Variants in CEP290 observed in about 807,000 individuals in gnomAD.
The protein encoded by CEP290 is centrosomal protein 290.
CEP290 carries 317 observed loss-of-function variants against 344.9 expected under a neutral mutation model. The observed-to-expected ratio is 0.92, with a 90% CI of 0.84 to 1.01. The LOEUF (loss-of-function observed/expected upper bound fraction) is 1.01. Ranked by LOEUF, CEP290 falls within the 50% of genes least tolerant of loss-of-function variation. The pLI is 0.00. For missense variants in CEP290, 2,754 were observed against 2,761.4 expected, an observed-to-expected ratio of 1.00 and a Z score of 0.06; for synonymous variants, 932 against 895.8, an observed-to-expected ratio of 1.04 and a Z score of -0.72.
At chr12:88,083,369 T>A in intron 36 of CEP290, 139 bp from the exon 37 acceptor site, 1 of 522,056 alleles carries the variant, frequency 1.9e-6, no homozygotes, top group Non-Finnish European at 3.2e-6. Context: ...AATGAAGGCT[T>A]AAAGAAGACA....
At chr12:88,106,499 A>G (rs969178347) in intron 25 of CEP290, among the ~76,000 whole-genome samples, 176 bp downstream of exon 25, 11 of 152,176 alleles carry the variant, frequency 7.2e-5, no homozygotes, top group Admixed American at 2.0e-4. Context: ...TTAAATATTT[A>G]GGGGAGGAAT....
chr12:88,102,868 A>G lies in CEP290; in HGVS notation c.2961T>C (p.Val987=). 6.2e-7 allele frequency: 1 copy of G among 1,610,540 alleles called. No individual in the cohort carries two copies. Among genetic ancestry groups the G allele is most frequent in the Non-Finnish European group, 8.5e-7 (1 of 1,178,434 alleles). Residue 987 remains valine (V), a synonymous_variant, in exon 26 of 54, where the codon GTT becomes GTC. Coordinates refer to ENST00000552810, the MANE Select transcript of CEP290 (RefSeq NM_025114.4). ...RDILQKDNML[V]QRTSNLEHLE... ...GGTGTTCCAAGTTACTTGTTCTTTG[A>G]ACAAGCATATTATCTTTTTGCAAGA...
chr12:88,064,146 A>G (rs748597326), intron 44 of CEP290, 31 bp from the exon 45 acceptor site: 2 of 1,494,570 alleles, frequency 1.3e-6, no homozygotes, highest in Non-Finnish European at 1.8e-6. Context: ...GAATATTTTT[A>G]AAGTTTAATA....
Position 88,126,215 on chromosome 12 carries a change from C to T in CEP290, c.1065+101G>A, listed in dbSNP as rs557415433. 3 of 930,224 alleles carry T rather than the reference C, an allele frequency of 3.2e-6. No homozygotes were observed. The South Asian group carries it at 9.6e-5, about 30-fold the overall frequency. The allele number at this position is 930,224 out of a possible 1,614,324, so 57.6% of individuals were successfully genotyped here. ...ATTATTATACACTTGGTAGTACCAGCCGCTACACTAGGCACTGATGATATA... is the reference window on the plus strand; with the variant it reads ...ATTATTATACACTTGGTAGTACCAGTCGCTACACTAGGCACTGATGATATA... On this transcript the variant is annotated intron_variant, in intron 12 of 53. Transcript: ENST00000552810.
intron 46 of CEP290, among the ~76,000 whole-genome samples, 153 bp from the exon 47 acceptor site, chr12:88,061,147 A>C (rs1322871443): frequency 3.9e-5 from 6 of 152,274 alleles, no homozygotes; most frequent in African/African-American, 1.4e-4. Context: ...ATTCTATGAG[A>C]TAGGAATTAT....
chr12:88,125,197 C>T (rs2039655467), intron 13 of CEP290, 49 bp downstream of exon 13: 3 of 562,614 alleles, frequency 5.3e-6, no homozygotes, highest in Admixed American at 4.4e-5. Flanking sequence ...AAAATAAAGT[C>T]GTTAAAAACA....
intron 49 of CEP290, among the ~76,000 whole-genome samples, chr12:88,057,307 G>A (rs915249575): frequency 1.6e-4 from 24 of 152,198 alleles, no homozygotes; most frequent in Middle Eastern, 6.8e-3. Flanking sequence ...GGCAAGGTGG[G>A]CTTTTAAAAA....
intron 13 of CEP290, among the ~76,000 whole-genome samples, chr12:88,123,323 CCTT>C (rs1161855945): frequency 1.3e-5 from 2 of 152,066 alleles, no homozygotes; most frequent in Non-Finnish European, 2.9e-5. Flanking sequence ...CTTGTTTTCT[CCTT>C]CTCTTTATAG....
At chr12:88,087,652 A>G (rs940480037) in intron 32 of CEP290, 128 bp downstream of exon 32, 4 of 321,146 alleles carry the variant, frequency 1.2e-5, no homozygotes, top group African/African-American at 2.2e-5. Context: ...CCCGGGAGGC[A>G]GAGCTTGCAG....
At chr12:88,118,354 T>C (rs370006632) in intron 17 of CEP290, 129 bp downstream of exon 17, 36 of 709,336 alleles carry the variant, frequency 5.1e-5, no homozygotes, top group Non-Finnish European at 7.3e-5. Flanking sequence ...CAGGTTATTA[T>C]TGTCATTTAT....
chr12:88,086,347 C>G (rs376424223), intron 33 of CEP290, 44 bp downstream of exon 33: 2 of 1,503,870 alleles, frequency 1.3e-6, no homozygotes, highest in African/African-American at 2.8e-5. Flanking sequence ...AGTTAACACT[C>G]TAGACTATGC....
At chr12:88,050,610 C>T (rs2033406636) in intron 52 of CEP290, among the ~76,000 whole-genome samples, 177 bp from the exon 53 acceptor site, 1 of 152,126 alleles carries the variant, frequency 6.6e-6, no homozygotes, top group African/African-American at 2.4e-5. Flanking sequence ...CTCCCTCCAT[C>T]AAGTATTATA....
intron 44 of CEP290, among the ~76,000 whole-genome samples, chr12:88,066,244 C>T (rs1033803076): frequency 1.3e-5 from 2 of 152,140 alleles, no homozygotes; most frequent in Non-Finnish European, 2.9e-5. Flanking sequence ...AAAAGTAGTA[C>T]GTACATAAAA....
intron 30 of CEP290, among the ~76,000 whole-genome samples, 182 bp from the exon 31 acceptor site, chr12:88,089,669 GA>G (rs2137284123): frequency 6.7e-6 from 1 of 149,740 alleles, no homozygotes; most frequent in East Asian, 2.0e-4. Flanking sequence ...AAAAAACCTA[GA>G]ATCAAACAAA....
chr12:88,096,768 GTTCT>G, intron 27 of CEP290, 116 bp downstream of exon 27: 1 of 575,542 alleles, frequency 1.7e-6, no homozygotes, highest in East Asian at 3.2e-5. Flanking sequence ...TAGGCAGAAA[GTTCT>G]TTCTTTTTTT....
chr12:88,051,194 C>CTTTT (rs11321423), intron 52 of CEP290, among the ~76,000 whole-genome samples: 1 of 86,430 alleles, frequency 1.2e-5, no homozygotes, highest in Admixed American at 1.2e-4. Context: ...GGACAAGTAT[C>CTTTT]TTTTTTTTTT....
Position 88,063,972 on chromosome 12 carries a change from T to A in CEP290, c.6270+9A>T. On this transcript the variant is annotated intron_variant, in intron 45 of 53. Transcript: ENST00000552810. The stretch of plus-strand genomic sequence containing the variant: ...CATTAGATTTCCTAATAAAAAACAT[T>A]AAATTCACCTTTAATCTTGGCAAAT... 1 of 1,582,996 alleles carries A rather than the reference T, an allele frequency of 6.3e-7. No individual in the cohort carries two copies. The highest frequency in any genetic ancestry group is 8.6e-7 in the Non-Finnish European group (1 of 1,165,938).
At chr12:88,131,416 C>T (rs1011978536) in intron 6 of CEP290, among the ~76,000 whole-genome samples, 198 bp from the exon 7 acceptor site, 2 of 151,796 alleles carry the variant, frequency 1.3e-5, no homozygotes, top group Non-Finnish European at 2.9e-5. Flanking sequence ...GCATGCATTA[C>T]CATAACTGGC....
chr12:88,062,472 C>G (rs1340422475), intron 46 of CEP290, among the ~76,000 whole-genome samples: 1 of 151,932 alleles, frequency 6.6e-6, no homozygotes, highest in East Asian at 1.9e-4. Context: ...GAGGCATATT[C>G]AATAAAAAGA....
Sources: gnomAD v4.1 joint callset for allele counts (sites outside exome capture counted in the v4.1 genomes callset) on GRCh38, gnomAD v4.1.1 for gene constraint, MANE v1.5 for transcripts, NCBI Gene and HGNC (gene_info 2026-07-23, HGNC 2026-07-21) for gene names.